MBP: variants seen among roughly 807,000 people sequenced by gnomAD.
MBP encodes the protein Golli-MBP.
In MBP, 16 loss-of-function variants were observed where a neutral mutation model predicts 35.8. That is an observed-to-expected ratio of 0.45 (90% confidence interval 0.30 to 0.68). MBP has a LOEUF of 0.68. Ranked by LOEUF, MBP falls within the 30% of genes least tolerant of loss-of-function variation. The pLI is 0.08. For synonymous variants in MBP, 143 were observed against 159.6 expected, an observed-to-expected ratio of 0.90 and a Z score of 0.78; for missense variants, 380 against 404.7, an observed-to-expected ratio of 0.94 and a Z score of 0.52.
intron 1 of MBP, among the ~76,000 whole-genome samples, chr18:77,121,884 A>C (rs949133447): frequency 6.6e-6 from 1 of 152,230 alleles, no homozygotes; most frequent in African/African-American, 2.4e-5. Flanking sequence ...CACCTGGAAC[A>C]CACAGCCTGC....
intron 3 of MBP, among the ~76,000 whole-genome samples, chr18:77,052,418 C>T (rs1055972533): frequency 3.9e-5 from 6 of 152,128 alleles, no homozygotes; most frequent in East Asian, 1.9e-4. Flanking sequence ...GCTGGACGCA[C>T]GGCTGCCCCA....
chr18:77,087,088 A>G (rs1413588412), intron 2 of MBP, among the ~76,000 whole-genome samples: 1 of 152,192 alleles, frequency 6.6e-6, no homozygotes, highest in Non-Finnish European at 1.5e-5. Flanking sequence ...AGAAAAAAAA[A>G]ACAACAACAA....
At chr18:76,987,887 G>C in intron 7 of MBP, 1 of 1,061,332 alleles carries the variant, frequency 9.4e-7, no homozygotes, top group Admixed American at 5.0e-5. Flanking sequence ...AACCTTCCTT[G>C]AAAGTTTGCT....
chr18:77,122,904 C>T (rs1976932877), intron 1 of MBP, among the ~76,000 whole-genome samples: 1 of 152,230 alleles, frequency 6.6e-6, no homozygotes, highest in Non-Finnish European at 1.5e-5. Flanking sequence ...GTCTACTCTA[C>T]TCCTCTACCG....
In MBP at chr18:77,043,005, A is replaced by T. The variant is rs575263626; in HGVS notation, c.139+23293T>A. On this transcript the variant is annotated intron_variant, in intron 3 of 8. Transcript: ENST00000355994. Reference sequence around the variant, plus strand: ...AAATGGCCTTGGATAACTCTCTTCAACCTCTTTGGTGCTGAGCTACTTCTA... The same window carrying T: ...AAATGGCCTTGGATAACTCTCTTCATCCTCTTTGGTGCTGAGCTACTTCTA... 1.6e-4 allele frequency among the ~76,000 whole-genome samples: 24 copies of T among 152,334 alleles called. No homozygotes were observed. The South Asian group carries it at 5.0e-3, about 32-fold the overall frequency.
chr18:77,043,023 T>C (rs555477796), intron 3 of MBP, among the ~76,000 whole-genome samples: 164 of 152,372 alleles, frequency 1.1e-3, no homozygotes, highest in Non-Finnish European at 1.8e-3. Context: ...GGTGCTGAGC[T>C]ACTTCTAGAT....
chr18:77,079,081 C>A (rs1011944049), intron 2 of MBP, among the ~76,000 whole-genome samples: 5 of 152,256 alleles, frequency 3.3e-5, no homozygotes, highest in South Asian at 2.1e-4. Context: ...AACGACCAAC[C>A]CTTTGAGTCC....
chr18:77,044,140 A>G lies in MBP; in HGVS notation c.139+22158T>C, dbSNP rs1973124529. Among the ~76,000 whole-genome samples, 1 of 152,052 alleles carries G rather than the reference A, an allele frequency of 6.6e-6. No individual in the cohort carries two copies. Among genetic ancestry groups the G allele is most frequent in the Non-Finnish European group, 1.5e-5 (1 of 68,004 alleles). On this transcript the variant is annotated intron_variant, in intron 3 of 8. Coordinates refer to ENST00000355994, the MANE Select transcript of MBP (RefSeq NM_001025101.2). This position sits in a 1 kb window ranked among gnomAD's most constrained non-coding sequence, Gnocchi z 4.4. Reference sequence around the variant, plus strand: ...CACGCTGCACACTGGGCTGGTCTGCAGAGGTCGAATGCACTCCCTGGTGAC... The same window carrying G: ...CACGCTGCACACTGGGCTGGTCTGCGGAGGTCGAATGCACTCCCTGGTGAC...
rs1332702379 is a variant in MBP at position 76,984,852 on chromosome 18, C to A, written c.793G>T (p.Ala265Ser). ...QRPGFGYGGR[A>S]SDYKSAHKGF... is the part of the protein sequence containing the mutation. ...TTGTGAGCCGATTTATAGTCGGACG[C>A]TCTGCCTCCGTAGCCAAATCCTGGT... is the stretch of plus-strand genomic sequence containing the variant. The change falls in exon 8 of 9, where the codon GCG becomes TCG. Residue 265 changes from alanine (A) to serine (S), a missense_variant. Physicochemically the swap from Ala to Ser is moderately conservative, Grantham distance 99. Transcript: ENST00000355994. The A allele has an allele frequency of 1.2e-6, 2 of 1,613,856 alleles. No homozygotes were observed. The highest frequency in any genetic ancestry group is 2.7e-5 in the African/African-American group (2 of 74,952).
chr18:77,009,986 A>G (rs1971250919), intron 4 of MBP: 2 of 1,184,064 alleles, frequency 1.7e-6, no homozygotes, highest in East Asian at 2.5e-5. Flanking sequence ...GCAATGCCCC[A>G]AAGTCCTCCA....
At chr18:76,984,980 G>T in intron 7 of MBP, 86 bp from the exon 8 acceptor site, 6 of 1,575,760 alleles carry the variant, frequency 3.8e-6, no homozygotes, top group Non-Finnish European at 5.2e-6. Context: ...CCAGGGCCCC[G>T]GGGAAGGGCC....
At chr18:76,986,022 C>T (rs1599465568) in intron 7 of MBP, 3 of 985,532 alleles carry the variant, frequency 3.0e-6, no homozygotes, top group Non-Finnish European at 3.6e-6. Context: ...GTGGGAACTC[C>T]ACTGCAAACA....
intron 3 of MBP, among the ~76,000 whole-genome samples, chr18:77,047,098 C>T (rs754244657): frequency 1.2e-4 from 19 of 152,288 alleles, no homozygotes; most frequent in Admixed American, 7.2e-4. Flanking sequence ...ACCTTGGAGC[C>T]GAACGTAACA....
chr18:76,998,237 C>T (rs1044476015), intron 4 of MBP, among the ~76,000 whole-genome samples: 1 of 152,230 alleles, frequency 6.6e-6, no homozygotes, highest in African/African-American at 2.4e-5. Flanking sequence ...CGAGGGGCCT[C>T]CTGTGCATGG....
chr18:77,066,613 T>G (rs1187142697), intron 2 of MBP: 1 of 733,368 alleles, frequency 1.4e-6, no homozygotes, highest in Non-Finnish European at 2.5e-6. Flanking sequence ...TGGACCCAGT[T>G]GGTATAGTTT....
At chr18:77,002,202 C>T (rs3829621) in intron 4 of MBP, among the ~76,000 whole-genome samples, 13,916 of 152,198 alleles carry the variant, frequency 0.091, 673 homozygotes, top group Middle Eastern at 0.13. Flanking sequence ...ATGGAGGCAA[C>T]CACGGCAGGG....
chr18:77,058,746 C>T (rs534169751), intron 3 of MBP, among the ~76,000 whole-genome samples: 8 of 152,344 alleles, frequency 5.3e-5, no homozygotes, highest in South Asian at 4.1e-4. Context: ...GGAGGAAAGT[C>T]GCAGGGGACC....
intron 2 of MBP, among the ~76,000 whole-genome samples, chr18:77,076,904 C>T (rs546211226): frequency 8.2e-4 from 125 of 152,254 alleles, no homozygotes; most frequent in African/African-American, 2.9e-3. Flanking sequence ...CCCTTAATAG[C>T]TTTGCGATCA....
chr18:76,986,277 AACC>A (rs745754945), intron 7 of MBP: 26 of 985,562 alleles, frequency 2.6e-5, no homozygotes, highest in Non-Finnish European at 3.1e-5. Flanking sequence ...GACTTGAGGG[AACC>A]AAACCAGACT....
Sources: gnomAD v4.1 joint callset for allele counts (sites outside exome capture counted in the v4.1 genomes callset) on GRCh38, gnomAD v4.1.1 for gene constraint, Gnocchi (gnomAD v3.1) non-coding constraint, MANE v1.5 for transcripts, NCBI Gene and HGNC (gene_info 2026-07-23, HGNC 2026-07-21) for gene names.